The following ZC3H14 variants were observed in gnomAD, a reference collection of about 807,000 sequenced individuals.
ZC3H14 encodes zinc finger CCCH-type containing 14, also known as zinc finger CCCH domain-containing protein 14.
A neutral mutation model predicts 92.4 loss-of-function variants in ZC3H14; 31 were observed. The ratio of observed to expected loss-of-function variants is 0.34; its 90% CI spans 0.25 to 0.45. The LOEUF (loss-of-function observed/expected upper bound fraction) is 0.45, where lower values mean the gene tolerates loss of function less well. Ranked by LOEUF, ZC3H14 falls within the 20% of genes least tolerant of loss-of-function variation. ZC3H14 has a pLI of 1.00. For synonymous variants in ZC3H14, 321 were observed against 300.9 expected, an observed-to-expected ratio of 1.07 and a Z score of -0.69; for missense variants, 781 against 897.3, an observed-to-expected ratio of 0.87 and a Z score of 1.66.
intron 6 of ZC3H14, among the ~76,000 whole-genome samples, chr14:88,573,494 C>T (rs191655015): frequency 8.4e-4 from 128 of 152,180 alleles, no homozygotes; most frequent in African/African-American, 2.9e-3. Flanking sequence ...AGTGTGATGG[C>T]GCGATCTCAA....
chr14:88,621,357 T>C lies in ZC3H14; in HGVS notation c.*9606T>C, dbSNP rs747882967. On this transcript the variant is annotated 3_prime_UTR_variant, in exon 17 of 17. Coordinates refer to ENST00000251038, the MANE Select transcript of ZC3H14 (RefSeq NM_024824.5). ...TGTAATACAACAGCTGCTTTTCTTC[T>C]TCATAATATAAAAATGACCCTATTG... The C allele has an allele frequency of 2.5e-6, 4 of 1,599,978 alleles. No homozygotes were observed. In the Admixed American group the frequency reaches 5.0e-5, roughly 20 times the overall value.
rs1595530821 is a variant in ZC3H14, at chr14:88,572,696, G to A, written c.550G>A (p.Glu184Lys). ...IKPEPDDLID[E>K]DLNFVQENPL... is the part of the protein sequence containing the mutation. ...GCCAGAACCAGATGATCTCATTGACGAAGACCTCAACTTTGTGCAGGAGAA... is the reference window on the plus strand; with the variant it reads ...GCCAGAACCAGATGATCTCATTGACAAAGACCTCAACTTTGTGCAGGAGAA... The change falls in exon 6 of 17, where the codon GAA (glutamate) becomes AAA (lysine). Residue 184 changes from glutamate to lysine, a missense_variant. Coordinates refer to ENST00000251038, the MANE Select transcript of ZC3H14 (RefSeq NM_024824.5). The A allele has an allele frequency of 1.2e-6, 2 of 1,614,194 alleles. No homozygotes were observed. Among genetic ancestry groups the A allele is most frequent in the Non-Finnish European group, 1.7e-6 (2 of 1,180,042 alleles).
Position 88,575,854 on chromosome 14 carries a change from CT to C in ZC3H14, c.1039del (p.Ser347LeufsTer8). 1 of 1,613,482 alleles carries C rather than the reference CT, an allele frequency of 6.2e-7. No individual in the cohort carries two copies. Among genetic ancestry groups the C allele is most frequent in the Non-Finnish European group, 8.5e-7 (1 of 1,179,740 alleles). On this transcript the variant is annotated frameshift_variant, in exon 8 of 17. Coordinates refer to ENST00000251038, the MANE Select transcript of ZC3H14 (RefSeq NM_024824.5). LOFTEE classifies it high-confidence loss of function. Reference sequence around the variant, plus strand: ...AACTCTTTTAGACCTTCTCTTCCACCTTCTAAACAAGCTAACAAGAATCTGA... The same window carrying C: ...AACTCTTTTAGACCTTCTCTTCCACCTCTAAACAAGCTAACAAGAATCTGA... Reference protein sequence around the residue: ...AKPERRPSLPPSKQANKNLIL... With the variant: ...AKPERRPSLPXSKQANKNLIL...
Position 88,621,511 on chromosome 14 carries a change from A to G in ZC3H14, c.*9760A>G. On this transcript the variant is annotated 3_prime_UTR_variant, in exon 17 of 17. Transcript: ENST00000251038. The stretch of plus-strand genomic sequence containing the variant: ...CACAATGGGCTAGATTACATATTAG[A>G]GTCCATGCTACAGAATAGAACTTTT... 1 of 591,642 alleles carries G rather than the reference A, an allele frequency of 1.7e-6. No homozygotes were observed. The highest frequency in any genetic ancestry group is 2.1e-5 in the South Asian group (1 of 47,594). 36.6% of individuals were successfully genotyped at this position (591,642 alleles called of 1,614,324 possible).
chr14:88,605,862 G>A (rs1385845200), intron 12 of ZC3H14, among the ~76,000 whole-genome samples: 11 of 152,046 alleles, frequency 7.2e-5, no homozygotes, highest in Admixed American at 5.9e-4. Context: ...CATTTTTTCC[G>A]TTTAATCATC....
chr14:88,578,125 G>T lies in ZC3H14; in HGVS notation c.1264G>T (p.Val422Leu). 1 of 1,613,880 alleles carries T rather than the reference G, an allele frequency of 6.2e-7. No individual in the cohort carries two copies. The highest frequency in any genetic ancestry group is 8.5e-7 in the Non-Finnish European group (1 of 1,179,934). The change falls in exon 9 of 17, where the codon GTA (valine) becomes TTA (leucine). Residue 422 changes from valine (V) to leucine (L), a missense_variant. Around this residue, in one of 3 missense-constraint regions of ZC3H14, gnomAD observed 454 missense variants for 438.5 expected, o/e 1.04. Transcript: ENST00000251038. The part of the protein sequence containing the change: ...IKEEETKGDS[V>L]EKNQGTQQRQ... Reference sequence around the variant, plus strand: ...AGAAGAGGAAACAAAAGGAGATTCTGTAGAAAAAAATCAAGGTAATAACTT... The same window carrying T: ...AGAAGAGGAAACAAAAGGAGATTCTTTAGAAAAAAATCAAGGTAATAACTT...
chr14:88,611,631 ATCT>A, intron 16 of ZC3H14, 111 bp from the exon 17 acceptor site: 2 of 1,232,052 alleles, frequency 1.6e-6, no homozygotes, highest in African/African-American at 1.5e-5. Context: ...TTATATTGTA[ATCT>A]TATGACCAAA....
chr14:88,596,657 A>G, intron 9 of ZC3H14, 77 bp from the exon 10 acceptor site: 2 of 1,243,264 alleles, frequency 1.6e-6, no homozygotes, highest in African/African-American at 1.5e-5. Context: ...AGAACCCAGA[A>G]GGATTGATTT....
intron 6 of ZC3H14, chr14:88,574,164 G>A (rs1362352451): frequency 6.5e-6 from 1 of 154,010 alleles, no homozygotes; most frequent in South Asian, 2.0e-4. Flanking sequence ...ATATGCAGCT[G>A]TTGATAAAAT....
Position 88,606,618 on chromosome 14 carries a change from C to T in ZC3H14, c.1748-625C>T, listed in dbSNP as rs568226569. 1.7e-4 allele frequency among the ~76,000 whole-genome samples: 26 copies of T among 152,018 alleles called. No individual in the cohort carries two copies. The South Asian group carries it at 3.3e-3, about 19-fold the overall frequency. ...AACCCTGTAGCCAGGCGTGGTGGCA[C>T]GTGCTACTTGGTAGGGGCTGAGGTG... On this transcript the variant is annotated intron_variant, in intron 12 of 16. Coordinates refer to ENST00000251038, the MANE Select transcript of ZC3H14 (RefSeq NM_024824.5).
rs1276549202 is a variant in ZC3H14 at position 88,616,964 on chromosome 14, C to G, written c.*5213C>G. ...CAAAAAGTTTCTTGGCAATTAATCTCTAAGTACCCTATCATGTTACTTAAA... is the reference window on the plus strand; with the variant it reads ...CAAAAAGTTTCTTGGCAATTAATCTGTAAGTACCCTATCATGTTACTTAAA... On this transcript the variant is annotated 3_prime_UTR_variant, in exon 17 of 17. Coordinates refer to ENST00000251038, the MANE Select transcript of ZC3H14 (RefSeq NM_024824.5). The G allele has an allele frequency of 7.9e-7, 1 of 1,271,954 alleles. No individual in the cohort carries two copies. Among genetic ancestry groups the G allele is most frequent in the Non-Finnish European group, 1.1e-6 (1 of 901,870 alleles). 78.8% of individuals were successfully genotyped at this position (1,271,954 alleles called of 1,614,324 possible). A position where few individuals can be genotyped will look rare whatever the true frequency, so the allele number is the denominator to read the frequency against.
rs1014174895 is a variant in ZC3H14, at chr14:88,625,134, A to C, written c.*13383A>C. On this transcript the variant is annotated 3_prime_UTR_variant, in exon 17 of 17. Transcript: ENST00000251038. The stretch of plus-strand genomic sequence containing the variant: ...CTGTAAACGTCAAGTTATTCTGAAA[A>C]GGAGTGGGGGAGGGGGAGACAAACT... The C allele has an allele frequency of 2.2e-5, 36 of 1,613,224 alleles. No homozygotes were observed. The highest frequency in any genetic ancestry group is 3.0e-5 in the Non-Finnish European group (35 of 1,179,662).
At chr14:88,564,120 C>G (rs977086897) in intron 2 of ZC3H14, among the ~76,000 whole-genome samples, 2 of 152,110 alleles carry the variant, frequency 1.3e-5, no homozygotes, top group Admixed American at 1.3e-4. Flanking sequence ...TTAAAGTTTC[C>G]TATTCTTGTT....
chr14:88,581,611 C>T (rs905806384), intron 9 of ZC3H14, among the ~76,000 whole-genome samples: 1 of 152,036 alleles, frequency 6.6e-6, no homozygotes, highest in Non-Finnish European at 1.5e-5. Flanking sequence ...TGAGAAATGT[C>T]TTTTTCCAGG....
rs1268131858 is a variant in ZC3H14, at chr14:88,621,562, A to C, written c.*9811A>C. The C allele has an allele frequency of 1.0e-5, 5 of 492,044 alleles. No homozygotes were observed. Among genetic ancestry groups the C allele is most frequent in the Non-Finnish European group, 1.8e-5 (5 of 279,178 alleles). 30.5% of individuals were successfully genotyped at this position (492,044 alleles called of 1,614,324 possible). A position where few individuals can be genotyped will look rare whatever the true frequency, so the allele number is the denominator to read the frequency against. ...CTGTGGCAGTACACCTGGATTCTTCAATAATCAAAGTTTTTATTTGATAAT... is the reference window on the plus strand; with the variant it reads ...CTGTGGCAGTACACCTGGATTCTTCCATAATCAAAGTTTTTATTTGATAAT... On this transcript the variant is annotated 3_prime_UTR_variant, in exon 17 of 17. Transcript: ENST00000251038.
At chr14:88,587,246 T>C (rs2082571970) in intron 9 of ZC3H14, among the ~76,000 whole-genome samples, 1 of 151,810 alleles carries the variant, frequency 6.6e-6, no homozygotes, top group African/African-American at 2.4e-5. Context: ...CACTGCAACC[T>C]CTGCCTCCTG....
At chr14:88,584,040 CCTTAT>C (rs1447716609) in intron 9 of ZC3H14, among the ~76,000 whole-genome samples, 2 of 146,766 alleles carry the variant, frequency 1.4e-5, no homozygotes, top group Non-Finnish European at 1.5e-5. Context: ...AAATTGAATC[CCTTAT>C]CTTGATTTAT....
intron 6 of ZC3H14, 64 bp downstream of exon 6, chr14:88,573,071 A>G (rs2080652956): frequency 7.7e-6 from 12 of 1,557,874 alleles, no homozygotes; most frequent in Admixed American, 3.3e-5. Context: ...ACCAAATAAT[A>G]TATGAAGTAA....
At chr14:88,596,526 T>G (rs1394071809) in intron 9 of ZC3H14, among the ~76,000 whole-genome samples, 1 of 152,214 alleles carries the variant, frequency 6.6e-6, no homozygotes, top group African/African-American at 2.4e-5. Flanking sequence ...GTGTTTTAAA[T>G]TGGCATTTGT....
Sources: allele counts gnomAD v4.1 joint callset (sites outside exome capture counted in the v4.1 genomes callset), GRCh38; gene constraint gnomAD v4.1.1; regional missense constraint gnomAD v4.1.1; transcripts MANE v1.5; gene names NCBI Gene and HGNC (gene_info 2026-07-23, HGNC 2026-07-21).